The following VWA5B2 variants were observed in gnomAD, a reference collection of about 807,000 sequenced individuals.
VWA5B2 encodes the protein von Willebrand factor A domain containing 5B2, also known as von Willebrand factor A domain-containing protein 5B2.
In VWA5B2, 93 loss-of-function variants were observed where a neutral mutation model predicts 118.5. The observed-to-expected ratio is 0.79, with a 90% confidence interval of 0.66 to 0.93. The LOEUF (loss-of-function observed/expected upper bound fraction) is 0.93, where lower values mean the gene tolerates loss of function less well. Ranked by LOEUF, VWA5B2 falls within the 40% of genes least tolerant of loss-of-function variation. The pLI is 0.00. For missense variants in VWA5B2, 1,546 were observed against 1,672.8 expected, an observed-to-expected ratio of 0.92 and a Z score of 1.32; for synonymous variants, 708 against 716.3, an observed-to-expected ratio of 0.99 and a Z score of 0.19.
At position 184,240,103 on chromosome 3, in the gene VWA5B2, G is replaced by T; in HGVS notation, c.2740+67G>T. The T allele has an allele frequency of 1.6e-6, 2 of 1,284,976 alleles. 1 individual carries two copies. Among genetic ancestry groups the T allele is most frequent in the South Asian group, 3.2e-5 (2 of 63,412 alleles). The allele number at this position is 1,284,976 out of a possible 1,614,324, so 79.6% of individuals were successfully genotyped here. The stretch of plus-strand genomic sequence containing the variant: ...CTAAAAACAGCAAAGGTAGAGGTCT[G>T]TGTGTTTGATCACTCTCTATACCTC... On this transcript the variant is annotated intron_variant, in intron 16 of 19. Transcript: ENST00000691901.
rs750870703 is a variant in VWA5B2 at position 184,237,316 on chromosome 3, A to G, written c.1624A>G (p.Thr542Ala). 6.4e-7 allele frequency: 1 copy of G among 1,550,486 alleles called. No homozygotes were observed. Among genetic ancestry groups the G allele is most frequent in the South Asian group, 1.2e-5 (1 of 83,986 alleles). Reference sequence around the variant, plus strand: ...GCCCGACACTGTGGAGGCACTGCTGACCCCCCGGGAGATCCCAGCACTCTA... The same window carrying G: ...GCCCGACACTGTGGAGGCACTGCTGGCCCCCCGGGAGATCCCAGCACTCTA... The part of the protein sequence containing the change: ...FVPDTVEALL[T>A]PREIPALYPG... Residue 542 changes from threonine to alanine, a missense_variant, in exon 12 of 20, where the codon ACC (threonine) becomes GCC (alanine). Physicochemically the swap from Thr to Ala is moderately conservative, Grantham distance 58. Transcript: ENST00000691901. The surrounding 1 kb of genome is among the most constrained non-coding windows in gnomAD (Gnocchi z 5.6).
At chr3:184,235,850 A>C (rs1717919345) in intron 8 of VWA5B2, among the ~76,000 whole-genome samples, 1 of 150,378 alleles carries the variant, frequency 6.6e-6, no homozygotes, top group Non-Finnish European at 1.5e-5. Context: ...CCAGAGTCCC[A>C]CACACAGTCA....
intron 16 of VWA5B2, 57 bp downstream of exon 16, chr3:184,240,093 G>A: frequency 7.4e-7 from 1 of 1,349,840 alleles, no homozygotes; most frequent in Non-Finnish European, 9.9e-7. Context: ...AACAGCAAAG[G>A]TAGAGGTCTG....
chr3:184,230,151 G>C (rs1357726348), intron 1 of VWA5B2, among the ~76,000 whole-genome samples: 2 of 152,136 alleles, frequency 1.3e-5, no homozygotes, highest in East Asian at 1.9e-4. Context: ...GGCCGCGGGG[G>C]GCCCCGGGGG....
rs1577090195 is a variant in VWA5B2, at chr3:184,236,231, C to T, written c.1181C>T (p.Pro394Leu). The T allele has an allele frequency of 3.2e-6, 5 of 1,551,774 alleles. No individual in the cohort carries two copies. The highest frequency in any genetic ancestry group is 2.4e-5 in the East Asian group (1 of 40,924). Residue 394 changes from proline (P) to leucine (L), a missense_variant, in exon 9 of 20, where the codon CCA becomes CTA. Pro to Leu is a moderately conservative substitution (Grantham distance 98, BLOSUM62 -3). Coordinates refer to ENST00000691901, the MANE Select transcript of VWA5B2 (RefSeq NM_001390846.1). The part of the protein sequence containing the change: ...NLAVFGTLVQ[P>L]LFPESRPCSD... Reference sequence around the variant, plus strand: ...GCCGTGTTTGGGACGTTGGTGCAGCCACTCTTCCCAGAGAGCCGGCCTTGC... The same window carrying T: ...GCCGTGTTTGGGACGTTGGTGCAGCTACTCTTCCCAGAGAGCCGGCCTTGC...
Position 184,238,664 on chromosome 3 carries a change from T to C in VWA5B2, c.1993T>C (p.Tyr665His). The change falls in exon 14 of 20, where the codon TAT becomes CAT. Residue 665 changes from tyrosine to histidine, a missense_variant. Transcript: ENST00000691901. This position sits in a 1 kb window ranked among gnomAD's most constrained non-coding sequence, Gnocchi z 5.0. ...IFQSSYIREQYVLTHCSASPE... is the reference protein window; with the variant it reads ...IFQSSYIREQHVLTHCSASPE... ...TCAGTCCTCGTACATTCGGGAGCAG[T>C]ATGTGCTCACCCACTGCTCTGCCAG... The C allele has an allele frequency of 1.9e-6, 3 of 1,551,514 alleles. No homozygotes were observed. Among genetic ancestry groups the C allele is most frequent in the Middle Eastern group, 1.7e-4 (1 of 5,992 alleles).
chr3:184,239,188 G>A lies in VWA5B2; in HGVS notation c.2203-206G>A, dbSNP rs1000282456. ...ACAGAGACAAGCAACAACCACAAGT[G>A]GGAAATAGGGAGTGGAGTGGGATGA... is the stretch of plus-strand genomic sequence containing the variant. On this transcript the variant is annotated intron_variant, in intron 14 of 19. Coordinates refer to ENST00000691901, the MANE Select transcript of VWA5B2 (RefSeq NM_001390846.1). This position sits in a 1 kb window ranked among gnomAD's most constrained non-coding sequence, Gnocchi z 5.1. Among the ~76,000 whole-genome samples, 1 of 152,180 alleles carries A rather than the reference G, an allele frequency of 6.6e-6. No homozygotes were observed. Among genetic ancestry groups the A allele is most frequent in the Non-Finnish European group, 1.5e-5 (1 of 68,032 alleles).
intron 11 of VWA5B2, among the ~76,000 whole-genome samples, 183 bp downstream of exon 11, chr3:184,236,932 T>C (rs1236015333): frequency 6.6e-6 from 1 of 152,170 alleles, no homozygotes; most frequent in African/African-American, 2.4e-5. Context: ...CAGGACACTG[T>C]CTCTGACCAC....
chr3:184,234,765 T>C lies in VWA5B2; in HGVS notation c.945+10T>C, dbSNP rs901103873. 4.5e-6 allele frequency: 7 copies of C among 1,550,968 alleles called. No individual in the cohort carries two copies. In the East Asian group the frequency reaches 1.2e-4, roughly 27 times the overall value. Reference sequence around the variant, plus strand: ...TGATGGGGACCGGCAGGTACCGCCATAGGAGCCTGGCCTGGCCCCTGGCCT... The same window carrying C: ...TGATGGGGACCGGCAGGTACCGCCACAGGAGCCTGGCCTGGCCCCTGGCCT... On this transcript the variant is annotated intron_variant, in intron 7 of 19. Transcript: ENST00000691901.
In VWA5B2 at chr3:184,239,351, G is replaced by A. The variant is rs1486458242; in HGVS notation, c.2203-43G>A. ...GTGCACCCATGTATGATGGTCAAGG[G>A]TTCTGCATTCCTTGACCAGTGGCCC... On this transcript the variant is annotated intron_variant, in intron 14 of 19. Transcript: ENST00000691901. The surrounding 1 kb of genome is among the most constrained non-coding windows in gnomAD (Gnocchi z 5.1). The A allele has an allele frequency of 2.7e-6, 4 of 1,487,950 alleles. No homozygotes were observed. The highest frequency in any genetic ancestry group is 3.6e-6 in the Non-Finnish European group (4 of 1,110,834). 92.2% of individuals were successfully genotyped at this position (1,487,950 alleles called of 1,614,324 possible). A position where few individuals can be genotyped will look rare whatever the true frequency, so the allele number is the denominator to read the frequency against.
At position 184,234,413 on chromosome 3, in the gene VWA5B2, A is replaced by G; in HGVS notation, c.820+16A>G. 1 of 1,551,404 alleles carries G rather than the reference A, an allele frequency of 6.4e-7. No individual in the cohort carries two copies. Among genetic ancestry groups the G allele is most frequent in the Non-Finnish European group, 8.7e-7 (1 of 1,146,774 alleles). The stretch of plus-strand genomic sequence containing the variant: ...CACCCCAGTGGTGAGAGACTGGGAC[A>G]CACCGTGGGCCGGCTCTGACCTGCT... On this transcript the variant is annotated intron_variant, in intron 6 of 19. Transcript: ENST00000691901.
rs994480703 is a variant in VWA5B2, at chr3:184,238,008, C to T, written c.1720-295C>T. Among the ~76,000 whole-genome samples, 1 of 152,126 alleles carries T rather than the reference C, an allele frequency of 6.6e-6. No homozygotes were observed. Among genetic ancestry groups the T allele is most frequent in the Non-Finnish European group, 1.5e-5 (1 of 68,028 alleles). On this transcript the variant is annotated intron_variant, in intron 12 of 19. Transcript: ENST00000691901. This position sits in a 1 kb window ranked among gnomAD's most constrained non-coding sequence, Gnocchi z 5.0. ...ATGGTAGTTATTTTTTAATGAAAAG[C>T]TTTATCTCTTTAGAAGAACTCTGCA...
intron 3 of VWA5B2, 130 bp downstream of exon 3, chr3:184,231,047 G>C: frequency 1.7e-6 from 2 of 1,185,722 alleles, no homozygotes; most frequent in Non-Finnish European, 1.0e-6. Context: ...GCTCATCCTG[G>C]TATTTAGCAG....
rs1312600796 is a variant in VWA5B2, at chr3:184,233,186, G to C, written c.319G>C (p.Val107Leu). The change falls in exon 4 of 20, where the codon GTC becomes CTC. Residue 107 changes from valine to leucine, a missense_variant. Physicochemically the swap from Val to Leu is conservative, Grantham distance 32. This residue lies in a region of VWA5B2 where 775 missense variants were observed against 882.3 expected (regional missense o/e 0.88). Coordinates refer to ENST00000691901, the MANE Select transcript of VWA5B2 (RefSeq NM_001390846.1). This position sits in a 1 kb window ranked among gnomAD's most constrained non-coding sequence, Gnocchi z 5.2. ...TPRRCAQGHL[V>L]LDLAQARSTL... ...TTTCTCACCCATCATAGGTCATCTT[G>C]TCTTGGATCTGGCCCAGGCCCGGTC... 6.4e-7 allele frequency: 1 copy of C among 1,550,490 alleles called. No homozygotes were observed. Among genetic ancestry groups the C allele is most frequent in the Non-Finnish European group, 8.7e-7 (1 of 1,146,722 alleles).
chr3:184,234,608 AG>A (rs1337753974), intron 6 of VWA5B2, 22 bp from the exon 7 acceptor site: 8 of 1,549,530 alleles, frequency 5.2e-6, no homozygotes, highest in East Asian at 4.9e-5. Context: ...CTTCCTTGAC[AG>A]AATTGTGTCC....
chr3:184,238,340 T>C lies in VWA5B2; in HGVS notation c.1757T>C (p.Val586Ala), dbSNP rs1252213782. Residue 586 changes from valine (V) to alanine (A), a missense_variant, in exon 13 of 20, where the codon GTG becomes GCG. By Grantham distance (64) the Val-to-Ala change is moderately conservative. Coordinates refer to ENST00000691901, the MANE Select transcript of VWA5B2 (RefSeq NM_001390846.1). This position sits in a 1 kb window ranked among gnomAD's most constrained non-coding sequence, Gnocchi z 5.0. ...EPGWQSSGGS[V>A]FPSPEEAPSA... ...GGCTGGCAGAGCTCGGGTGGGTCCG[T>C]GTTTCCATCCCCAGAAGAGGCCCCG... The C allele has an allele frequency of 1.3e-6, 2 of 1,547,418 alleles. No homozygotes were observed. Among genetic ancestry groups the C allele is most frequent in the Admixed American group, 2.0e-5 (1 of 50,578 alleles).
rs1462125075 is a variant in VWA5B2 at position 184,236,091 on chromosome 3, C to T, written c.1102-61C>T. 5 of 1,432,054 alleles carry T rather than the reference C, an allele frequency of 3.5e-6. No homozygotes were observed. The East Asian group carries it at 1.2e-4, about 36-fold the overall frequency. 88.7% of individuals were successfully genotyped at this position (1,432,054 alleles called of 1,614,324 possible). ...CTGGATAACGCAGTGATCTGGCTTC[C>T]CTTGCTCTGTATCAGGGCCCATGGG... On this transcript the variant is annotated intron_variant, in intron 8 of 19. Coordinates refer to ENST00000691901, the MANE Select transcript of VWA5B2 (RefSeq NM_001390846.1).
In VWA5B2 at chr3:184,239,681, C is replaced by T. The variant is rs1718359246; in HGVS notation, c.2393-8C>T. ...TCTGCCCATGCCCCTGCTGTCTTGC[C>T]TCCCCAGGAAACCTGCTCTCCCCAG... On this transcript the variant is annotated splice_polypyrimidine_tract_variant and splice_region_variant and intron_variant, in intron 15 of 19. Coordinates refer to ENST00000691901, the MANE Select transcript of VWA5B2 (RefSeq NM_001390846.1). This position sits in a 1 kb window ranked among gnomAD's most constrained non-coding sequence, Gnocchi z 5.1. 5 of 1,465,068 alleles carry T rather than the reference C, an allele frequency of 3.4e-6. No homozygotes were observed. The highest frequency in any genetic ancestry group is 4.5e-6 in the Non-Finnish European group (5 of 1,102,066). 90.8% of individuals were successfully genotyped at this position (1,465,068 alleles called of 1,614,324 possible). A position where few individuals can be genotyped will look rare whatever the true frequency, so the allele number is the denominator to read the frequency against.
rs528443481 is a variant in VWA5B2, at chr3:184,235,011, C to T, written c.946-142C>T. 3.5e-5 allele frequency: 41 copies of T among 1,182,256 alleles called. No individual in the cohort carries two copies. In the African/African-American group the frequency reaches 5.6e-4, roughly 16 times the overall value. 73.2% of individuals were successfully genotyped at this position (1,182,256 alleles called of 1,614,324 possible). On this transcript the variant is annotated intron_variant, in intron 7 of 19. Coordinates refer to ENST00000691901, the MANE Select transcript of VWA5B2 (RefSeq NM_001390846.1). ...AGAAGACAGCCACCTGCCTTTGCTC[C>T]TGCCTTTATTCGAATTACTACAAAA...
Sources: allele counts gnomAD v4.1 joint callset (sites outside exome capture counted in the v4.1 genomes callset), GRCh38; gene constraint gnomAD v4.1.1; regional missense constraint gnomAD v4.1.1; non-coding constraint Gnocchi (gnomAD v3.1); transcripts MANE v1.5; gene names NCBI Gene and HGNC (gene_info 2026-07-23, HGNC 2026-07-21).